Variants in IL7 observed in about 807,000 individuals in gnomAD.
IL7 encodes the protein interleukin 7, also known as interleukin-7.
A neutral mutation model predicts 21.6 loss-of-function variants in IL7; 3 were observed. The ratio of observed to expected loss-of-function variants is 0.14; its 90% confidence interval spans 0.06 to 0.36. The LOEUF (loss-of-function observed/expected upper bound fraction) is 0.36, where lower values mean the gene tolerates loss of function less well. Ranked by LOEUF, IL7 falls within the 10% of genes least tolerant of loss-of-function variation. The pLI is 1.00. For missense variants in IL7, 175 were observed against 200.2 expected (o/e 0.87, Z 0.76); for synonymous variants, 62 against 68.1 (o/e 0.91, Z 0.44).
intron 4 of IL7, among the ~76,000 whole-genome samples, chr8:78,683,553 G>C (rs929608241): frequency 6.6e-6 from 1 of 152,150 alleles, no homozygotes; most frequent in Admixed American, 6.5e-5. Flanking sequence ...CAGTAGGGGG[G>C]CCCTGGACCT....
intron 2 of IL7, among the ~76,000 whole-genome samples, chr8:78,754,075 G>A (rs1480078135): frequency 6.6e-6 from 1 of 152,120 alleles, no homozygotes; most frequent in African/African-American, 2.4e-5. Flanking sequence ...AAGAAATAAA[G>A]GATATTCAAA....
At chr8:78,750,796 C>G (rs1008211269) in intron 2 of IL7, among the ~76,000 whole-genome samples, 6 of 152,122 alleles carry the variant, frequency 3.9e-5, no homozygotes, top group African/African-American at 1.4e-4. Flanking sequence ...TGCACTCCAG[C>G]CTGGGCAACA....
intron 3 of IL7, among the ~76,000 whole-genome samples, chr8:78,699,407 A>G (rs995216385): frequency 6.6e-6 from 1 of 152,164 alleles, no homozygotes; most frequent in African/African-American, 2.4e-5. Context: ...GTGTATGTCT[A>G]TATCTTTACA....
intron 2 of IL7, among the ~76,000 whole-genome samples, chr8:78,783,677 TTATAAC>T (rs1168468659): frequency 1.3e-5 from 2 of 152,208 alleles, no homozygotes; most frequent in Non-Finnish European, 2.9e-5. Flanking sequence ...ATGCTGTACT[TTATAAC>T]TATTTACTTG....
chr8:78,742,159 A>C (rs960488602), intron 2 of IL7, among the ~76,000 whole-genome samples: 3 of 78,442 alleles, frequency 3.8e-5, no homozygotes, highest in African/African-American at 2.7e-4. Flanking sequence ...TAAAAATACA[A>C]AAAAAAAAAA....
At chr8:78,800,980 C>T (rs1353511646) in intron 1 of IL7, among the ~76,000 whole-genome samples, 2 of 152,110 alleles carry the variant, frequency 1.3e-5, no homozygotes, top group African/African-American at 4.8e-5. Flanking sequence ...GTTAAGTGCT[C>T]CTCAAATTTA....
intron 4 of IL7, chr8:78,678,999 A>T (rs759289338): frequency 7.8e-5 from 13 of 167,700 alleles, no homozygotes; most frequent in Non-Finnish European, 1.5e-4. Flanking sequence ...ATTATTAAAA[A>T]CTTTTGATAT....
intron 3 of IL7, among the ~76,000 whole-genome samples, chr8:78,694,138 T>C (rs957063890): frequency 6.6e-6 from 1 of 152,168 alleles, no homozygotes; most frequent in Non-Finnish European, 1.5e-5. Context: ...TGGCTATTTT[T>C]CTAATTTCCT....
intron 3 of IL7, among the ~76,000 whole-genome samples, chr8:78,697,768 T>C (rs1810473824): frequency 6.6e-6 from 1 of 150,754 alleles, no homozygotes; most frequent in South Asian, 2.1e-4. Context: ...AACCTTCGCC[T>C]CCCAGGTTCA....
chr8:78,765,114 G>T (rs1812714676), intron 2 of IL7, among the ~76,000 whole-genome samples: 1 of 152,002 alleles, frequency 6.6e-6, no homozygotes, highest in African/African-American at 2.4e-5. Flanking sequence ...AAGACAACTG[G>T]ACATTCACAT....
downstream of IL7, among the ~76,000 whole-genome samples, chr8:78,716,818 C>G (rs1811121207): frequency 6.6e-6 from 1 of 152,080 alleles, no homozygotes; most frequent in South Asian, 2.1e-4. Flanking sequence ...GGGTGGACTT[C>G]CCCATTGCTG....
At chr8:78,802,121 G>A (rs1274550878) in intron 1 of IL7, among the ~76,000 whole-genome samples, 3 of 152,190 alleles carry the variant, frequency 2.0e-5, no homozygotes. Context: ...AAACCAGAAG[G>A]AGGTCTGTCT....
intron 2 of IL7, among the ~76,000 whole-genome samples, chr8:78,781,469 C>T (rs1813328841): frequency 1.3e-5 from 2 of 152,126 alleles, no homozygotes; most frequent in Non-Finnish European, 2.9e-5. Context: ...TTCTCCTTTG[C>T]TTATGAAGCT....
intron 2 of IL7, among the ~76,000 whole-genome samples, chr8:78,742,997 T>C (rs1811846897): frequency 6.6e-6 from 1 of 152,244 alleles, no homozygotes; most frequent in South Asian, 2.1e-4. Context: ...TTTCTGTTCC[T>C]GCATTAGTTT....
intron 3 of IL7, among the ~76,000 whole-genome samples, chr8:78,707,882 G>A (rs998046450): frequency 6.8e-6 from 1 of 147,578 alleles, no homozygotes; most frequent in Non-Finnish European, 1.5e-5. Flanking sequence ...AATTAGTGAA[G>A]TAATGATTTG....
chr8:78,763,349 G>A (rs72661358), intron 2 of IL7, among the ~76,000 whole-genome samples: 9,759 of 152,268 alleles, frequency 0.064, 341 homozygotes, highest in Middle Eastern at 0.089. Flanking sequence ...AATGATAGCA[G>A]TGATAAAAGG....
At chr8:78,715,085 AAAT>A, downstream of IL7, 1 of 735,646 alleles carries the variant, frequency 1.4e-6, no homozygotes. Flanking sequence ...TTCAGATTTA[AAAT>A]AATTATTGGG....
At chr8:78,701,613 A>G (rs1810606778) in intron 3 of IL7, among the ~76,000 whole-genome samples, 2 of 152,156 alleles carry the variant, frequency 1.3e-5, no homozygotes, top group Admixed American at 6.5e-5. Flanking sequence ...CCCATTCAGT[A>G]TGATGTTGGC....
chr8:78,682,878 C>A (rs765360019), intron 4 of IL7, among the ~76,000 whole-genome samples: 1 of 152,184 alleles, frequency 6.6e-6, no homozygotes, highest in African/African-American at 2.4e-5. Context: ...GGTAAATACA[C>A]CCATTCTAAA....
Sources: allele counts gnomAD v4.1 joint callset (sites outside exome capture counted in the v4.1 genomes callset), GRCh38; gene constraint gnomAD v4.1.1; transcripts MANE v1.5; gene names NCBI Gene and HGNC (gene_info 2026-07-23, HGNC 2026-07-21).